BNC2: variants seen among roughly 807,000 people sequenced by gnomAD.
The protein encoded by BNC2 is zinc finger protein basonuclin-2.
Under a neutral mutation model 76.3 loss-of-function variants are expected in BNC2, and 20 were observed. The ratio of observed to expected loss-of-function variants is 0.26; its 90% CI spans 0.18 to 0.38. The LOEUF (loss-of-function observed/expected upper bound fraction) is 0.38, where lower values mean the gene tolerates loss of function less well. Among genes scored for constraint, BNC2 ranks in the 10% least tolerant of loss-of-function variants. The pLI is 1.00. For missense variants in BNC2, 1,382 were observed against 1,399.8 expected, an observed-to-expected ratio of 0.99 and a Z score of 0.20; for synonymous variants, 582 against 514.8, an observed-to-expected ratio of 1.13 and a Z score of -1.77.
chr9:16,468,423 G>C (rs1210281323), intron 5 of BNC2, among the ~76,000 whole-genome samples: 1 of 150,470 alleles, frequency 6.6e-6, no homozygotes, highest in Non-Finnish European at 1.5e-5. Context: ...TTGAGATGGA[G>C]TCTCGCTCTG....
chr9:16,800,730 T>A (rs1817760873), intron 1 of BNC2, among the ~76,000 whole-genome samples: 1 of 152,182 alleles, frequency 6.6e-6, no homozygotes, highest in African/African-American at 2.4e-5. Context: ...TGATTTTAAA[T>A]GCCCTGTGAC....
intron 5 of BNC2, among the ~76,000 whole-genome samples, chr9:16,546,833 A>T (rs1474559615): frequency 2.0e-5 from 3 of 152,238 alleles, no homozygotes; most frequent in Non-Finnish European, 4.4e-5. Context: ...ACAGGCTGGT[A>T]GCCTTAAAAA....
At chr9:16,845,694 C>T (rs979379902) in intron 1 of BNC2, among the ~76,000 whole-genome samples, 1 of 151,460 alleles carries the variant, frequency 6.6e-6, no homozygotes, top group Non-Finnish European at 1.5e-5. Flanking sequence ...GCACTCCAGC[C>T]TGGGCGACAA....
chr9:16,849,710 G>C (rs1018595943), intron 1 of BNC2, among the ~76,000 whole-genome samples: 1 of 151,956 alleles, frequency 6.6e-6, no homozygotes, highest in Non-Finnish European at 1.5e-5. Flanking sequence ...ATACAAATTG[G>C]AAGAAGTTCA....
chr9:16,844,456 G>C (rs1306382194), intron 1 of BNC2, among the ~76,000 whole-genome samples: 2 of 150,598 alleles, frequency 1.3e-5, no homozygotes, highest in African/African-American at 4.9e-5. Flanking sequence ...CTAGGGATGG[G>C]GAGCAAGAGT....
chr9:16,494,722 C>T (rs74722466), intron 5 of BNC2, among the ~76,000 whole-genome samples: 134 of 152,170 alleles, frequency 8.8e-4, no homozygotes, highest in African/African-American at 3.0e-3. Context: ...AGGCCTGGCA[C>T]GTCCTGTAGG....
At chr9:16,610,057 T>A (rs1444580031) in intron 3 of BNC2, among the ~76,000 whole-genome samples, 1 of 152,150 alleles carries the variant, frequency 6.6e-6, no homozygotes, top group Non-Finnish European at 1.5e-5. Flanking sequence ...AAATATACCA[T>A]TATTTCCACA....
At chr9:16,605,417 A>G (rs1820356685) in intron 3 of BNC2, among the ~76,000 whole-genome samples, 1 of 152,202 alleles carries the variant, frequency 6.6e-6, no homozygotes, top group African/African-American at 2.4e-5. Context: ...ACAGGTAAAA[A>G]CAACAACAAA....
intron 1 of BNC2, among the ~76,000 whole-genome samples, chr9:16,773,135 A>AG (rs1825872730): frequency 1.3e-5 from 2 of 152,138 alleles, no homozygotes; most frequent in South Asian, 4.1e-4. Context: ...TTTACTATCA[A>AG]GGGACACTCT....
rs1563830865 is a variant in BNC2, at chr9:16,539,705, A to AAG, written c.669+12824_669+12825insCT. 5.0e-5 allele frequency among the ~76,000 whole-genome samples: 6 copies of AAG among 119,314 alleles called. 1 individual carries two copies. Among genetic ancestry groups the AAG allele is most frequent in the African/African-American group, 2.3e-4 (6 of 25,994 alleles). The allele number at this position is 119,314 out of a possible 152,430, so 78.3% of individuals were successfully genotyped here. ...AAGGAAGGAAGGGAGAAAGGAAGGGAGGAAGGAAGGAAGGGGAAGGAAAAG... is the reference window on the plus strand; with the variant it reads ...AAGGAAGGAAGGGAGAAAGGAAGGGAAGGGAAGGAAGGAAGGGGAAGGAAAAG... On this transcript the variant is annotated intron_variant, in intron 5 of 6. Transcript: ENST00000380672.
chr9:16,725,361 T>C (rs1280602042), intron 3 of BNC2, among the ~76,000 whole-genome samples: 2 of 152,070 alleles, frequency 1.3e-5, no homozygotes, highest in Non-Finnish European at 2.9e-5. Context: ...ATGTAATATT[T>C]ATACAAACTA....
intron 5 of BNC2, among the ~76,000 whole-genome samples, chr9:16,537,767 A>T (rs1818174513): frequency 6.6e-6 from 1 of 152,178 alleles, no homozygotes; most frequent in African/African-American, 2.4e-5. Context: ...AAACTATCAG[A>T]CACTCCTTAG....
At chr9:16,645,192 G>A (rs1183044282) in intron 3 of BNC2, among the ~76,000 whole-genome samples, 1 of 152,160 alleles carries the variant, frequency 6.6e-6, no homozygotes, top group South Asian at 2.1e-4. Flanking sequence ...AAGAAGATTT[G>A]AAAGAGTAGA....
Position 16,623,348 on chromosome 9 carries a change from A to C in BNC2, c.331-40263T>G, listed in dbSNP as rs568734213. On this transcript the variant is annotated intron_variant, in intron 3 of 6. Coordinates refer to ENST00000380672, the MANE Select transcript of BNC2 (RefSeq NM_017637.6). ...ATGACGTGTTTAAAATTCTAATACAAAGGTAGCAGAAAAGAGAGATCAATA... is the reference window on the plus strand; with the variant it reads ...ATGACGTGTTTAAAATTCTAATACACAGGTAGCAGAAAAGAGAGATCAATA... Among the ~76,000 whole-genome samples, 80 of 152,278 alleles carry C rather than the reference A, an allele frequency of 5.3e-4. 1 individual carries two copies. Among genetic ancestry groups the C allele is most frequent in the Middle Eastern group, 3.4e-3 (1 of 294 alleles).
chr9:16,756,354 A>T (rs1175717812), intron 1 of BNC2, among the ~76,000 whole-genome samples: 1 of 152,034 alleles, frequency 6.6e-6, no homozygotes, highest in Non-Finnish European at 1.5e-5. Flanking sequence ...TCAACCTCCA[A>T]ATCTTTCTAG....
At chr9:16,500,097 C>A (rs912582274) in intron 5 of BNC2, among the ~76,000 whole-genome samples, 1 of 152,002 alleles carries the variant, frequency 6.6e-6, no homozygotes, top group Admixed American at 6.6e-5. Flanking sequence ...CAGCCCAGCC[C>A]ACTGGCTGAA....
At chr9:16,448,138 A>C (rs2131013937) in intron 5 of BNC2, among the ~76,000 whole-genome samples, 1 of 152,214 alleles carries the variant, frequency 6.6e-6, no homozygotes, top group East Asian at 1.9e-4. Flanking sequence ...CAATAAACAG[A>C]ACTCACCAGA....
rs183606407 is a variant in BNC2, at chr9:16,843,962, G to A, written c.3+26684C>T. Among the ~76,000 whole-genome samples, 314 of 152,154 alleles carry A rather than the reference G, an allele frequency of 2.1e-3. No homozygotes were observed. In the Middle Eastern group the frequency reaches 0.048, roughly 23 times the overall value. ...ATCAAATTCTGGTTTTTACTCTTAG[G>A]TTTTTTGTTGTTGTTGTTGTTCATT... On this transcript the variant is annotated intron_variant, in intron 1 of 6. Transcript: ENST00000380672.
At chr9:16,729,424 GCTTCAATGGC>G in intron 2 of BNC2, among the ~76,000 whole-genome samples, 1 of 152,254 alleles carries the variant, frequency 6.6e-6, no homozygotes, top group African/African-American at 2.4e-5. Flanking sequence ...ACAGAAAAGA[GCTTCAATGGC>G]AGCTCTGTGT....
Sources: gnomAD v4.1 joint callset for allele counts (sites outside exome capture counted in the v4.1 genomes callset) on GRCh38, gnomAD v4.1.1 for gene constraint, MANE v1.5 for transcripts, NCBI Gene and HGNC (gene_info 2026-07-23, HGNC 2026-07-21) for gene names.